Variants in TTC23 observed in about 807,000 individuals in gnomAD.
TTC23 encodes tetratricopeptide repeat protein 23.
A neutral mutation model predicts 55.1 loss-of-function variants in TTC23; 58 were observed. The ratio of observed to expected loss-of-function variants is 1.05; its 90% CI spans 0.85 to 1.31. The LOEUF is 1.31. Ranked by LOEUF, TTC23 falls within the 50% of genes most tolerant of loss-of-function variation. The pLI is 0.00. For synonymous variants in TTC23, 203 were observed against 199.9 expected (o/e 1.02, Z -0.13); for missense variants, 516 against 534.4 (o/e 0.97, Z 0.34).
chr15:99,217,169 T>C (rs2077539622), intron 8 of TTC23, among the ~76,000 whole-genome samples: 1 of 151,778 alleles, frequency 6.6e-6, no homozygotes, highest in South Asian at 2.1e-4. Flanking sequence ...TCTTCTTTTT[T>C]TTTTTGAGAC....
intron 3 of TTC23, among the ~76,000 whole-genome samples, chr15:99,240,256 T>C (rs2079658292): frequency 6.6e-6 from 1 of 152,250 alleles, no homozygotes; most frequent in Admixed American, 6.5e-5. Flanking sequence ...GTGTTAAACT[T>C]CGAAATGGAT....
rs58525135 is a variant in TTC23 at position 99,221,882 on chromosome 15, C to G, written c.181-18G>C. On this transcript the variant is annotated intron_variant, in intron 5 of 13. Coordinates refer to ENST00000394132, the MANE Select transcript of TTC23 (RefSeq NM_001288615.3). ...TGTTTGTACTGTTAGGAAGAGAAAA[C>G]AGGCTTACCAGTTATACAACTTAAG... The G allele has an allele frequency of 1.8e-3, 2,941 of 1,612,248 alleles. 59 individuals carry two copies. In the African/African-American group the frequency reaches 0.034, roughly 19 times the overall value.
In TTC23 at chr15:99,200,078, C is replaced by A. The variant is rs1193586491; in HGVS notation, c.600G>T (p.Lys200Asn). ...AGTGGGACAAAGCTTCTTTTGACTT[C>A]TTCTGACCTTGATACACCCTAAAAA... ...LSFAQVYQGQKKSKEALSHYQ... is the reference protein window; with the variant it reads ...LSFAQVYQGQNKSKEALSHYQ... Residue 200 changes from lysine to asparagine, a missense_variant, in exon 9 of 14, where the codon AAG becomes AAT. Lys to Asn is a moderately conservative substitution (Grantham distance 94). Transcript: ENST00000394132. The A allele has an allele frequency of 6.2e-7, 1 of 1,608,836 alleles. No homozygotes were observed. Among genetic ancestry groups the A allele is most frequent in the African/African-American group, 1.3e-5 (1 of 74,748 alleles).
chr15:99,140,503 G>A (rs2068104278), intron 12 of TTC23: 1 of 152,108 alleles, frequency 6.6e-6, no homozygotes, highest in South Asian at 2.1e-4. Context: ...CCGAGTAGCT[G>A]AGATTACAGG....
chr15:99,198,630 C>T (rs1434501505), intron 9 of TTC23, among the ~76,000 whole-genome samples: 1 of 152,150 alleles, frequency 6.6e-6, no homozygotes, highest in Non-Finnish European at 1.5e-5. Context: ...TGGGTATGTA[C>T]TCCTGGGCAT....
intron 8 of TTC23, among the ~76,000 whole-genome samples, chr15:99,201,737 G>A (rs1043777743): frequency 7.9e-5 from 12 of 152,166 alleles, no homozygotes; most frequent in African/African-American, 2.7e-4. Context: ...AAGATTAATA[G>A]GCGACCCAGT....
intron 9 of TTC23, among the ~76,000 whole-genome samples, chr15:99,181,638 C>A (rs578153317): frequency 6.6e-6 from 1 of 152,176 alleles, no homozygotes; most frequent in East Asian, 1.9e-4. Flanking sequence ...AACACCCTTA[C>A]GTAAGACAGG....
In TTC23 at chr15:99,189,623, GC is replaced by G. The variant is rs1463802040; in HGVS notation, c.759+10295del. Among the ~76,000 whole-genome samples the G allele has an allele frequency of 2.0e-5, 3 of 152,052 alleles. No individual in the cohort carries two copies. In the East Asian group the frequency reaches 5.8e-4, roughly 29 times the overall value. On this transcript the variant is annotated intron_variant, in intron 9 of 13. Transcript: ENST00000394132. ...TATCCCTTTGTAGTATTCTAGCTCG[GC>G]ATGCATCACTCATGAGGAAACATTA...
At position 99,157,055 on chromosome 15, in the gene TTC23, T is replaced by C. The variant is rs188342954; in HGVS notation, c.994-758A>G. On this transcript the variant is annotated intron_variant, in intron 11 of 13. Coordinates refer to ENST00000394132, the MANE Select transcript of TTC23 (RefSeq NM_001288615.3). ...GCAGAGGAGGAAACAGGCACGGCAG[T>C]TAAGAAACTTGCTCAGAGTCAGAGG... Among the ~76,000 whole-genome samples, 68 of 152,112 alleles carry C rather than the reference T, an allele frequency of 4.5e-4. No homozygotes were observed. The East Asian group carries it at 9.8e-3, about 22-fold the overall frequency.
chr15:99,220,058 C>T (rs958828234), intron 6 of TTC23, among the ~76,000 whole-genome samples: 3 of 152,188 alleles, frequency 2.0e-5, no homozygotes, highest in African/African-American at 4.8e-5. Context: ...GCATGTTGGA[C>T]TGTATTTTCA....
intron 12 of TTC23, 42 bp from the exon 13 acceptor site, chr15:99,139,441 C>A (rs371971238): frequency 4.9e-5 from 79 of 1,613,068 alleles, no homozygotes; most frequent in Non-Finnish European, 6.5e-5. Flanking sequence ...ATGGAAGTGT[C>A]GCTGAGAGCA....
At chr15:99,206,734 T>C (rs918211021) in intron 8 of TTC23, among the ~76,000 whole-genome samples, 1 of 152,176 alleles carries the variant, frequency 6.6e-6, no homozygotes, top group Non-Finnish European at 1.5e-5. Flanking sequence ...GTTTGTTGAT[T>C]TCGTTTATCT....
At chr15:99,196,293 C>G (rs1432450135) in intron 9 of TTC23, among the ~76,000 whole-genome samples, 1 of 151,750 alleles carries the variant, frequency 6.6e-6, no homozygotes, top group Non-Finnish European at 1.5e-5. Flanking sequence ...TAAGAACAAA[C>G]AAAGAAAAAA....
At chr15:99,176,197 A>G (rs537763551) in intron 9 of TTC23, among the ~76,000 whole-genome samples, 4 of 152,358 alleles carry the variant, frequency 2.6e-5, no homozygotes, top group Admixed American at 2.0e-4. Flanking sequence ...TAGGAGAGGC[A>G]TGGGCTAGAA....
chr15:99,205,220 G>T (rs1196377067), intron 8 of TTC23, among the ~76,000 whole-genome samples: 1 of 152,166 alleles, frequency 6.6e-6, no homozygotes, highest in African/African-American at 2.4e-5. Flanking sequence ...ATAGTATGAA[G>T]TCAGGTAATG....
chr15:99,239,860 G>T (rs1161871528), intron 3 of TTC23, among the ~76,000 whole-genome samples: 1 of 152,168 alleles, frequency 6.6e-6, no homozygotes, highest in Non-Finnish European at 1.5e-5. Flanking sequence ...ATCTCATGTG[G>T]CCCTTACAAC....
chr15:99,185,033 T>C (rs1485361030), intron 9 of TTC23, among the ~76,000 whole-genome samples: 1 of 152,140 alleles, frequency 6.6e-6, no homozygotes, highest in Admixed American at 6.5e-5. Context: ...CCTTTTGTCA[T>C]GATTGTAAGT....
At chr15:99,196,691 C>T (rs2075744505) in intron 9 of TTC23, among the ~76,000 whole-genome samples, 2 of 152,194 alleles carry the variant, frequency 1.3e-5, no homozygotes. Flanking sequence ...CCAACCGGAA[C>T]TGCTGCAGTC....
At chr15:99,230,625 T>C (rs1395756108) in intron 4 of TTC23, among the ~76,000 whole-genome samples, 1 of 151,846 alleles carries the variant, frequency 6.6e-6, no homozygotes, top group Non-Finnish European at 1.5e-5. Context: ...AAAAGACACA[T>C]TACGTATAAA....
Sources: allele counts gnomAD v4.1 joint callset (sites outside exome capture counted in the v4.1 genomes callset), GRCh38; gene constraint gnomAD v4.1.1; transcripts MANE v1.5; gene names NCBI Gene and HGNC (gene_info 2026-07-23, HGNC 2026-07-21).